Variants in TXNL1 observed in about 807,000 individuals in gnomAD.
The protein encoded by TXNL1 is thioredoxin-like protein 1.
In TXNL1, 14 loss-of-function variants were observed where a neutral mutation model predicts 35.5. The observed-to-expected ratio is 0.39, with a 90% CI of 0.26 to 0.62. The LOEUF (loss-of-function observed/expected upper bound fraction) is 0.62. Ranked by LOEUF, TXNL1 falls within the 20% of genes least tolerant of loss-of-function variation. TXNL1 has a pLI of 0.47. For synonymous variants in TXNL1, 110 were observed against 115.5 expected, an observed-to-expected ratio of 0.95 and a Z score of 0.31; for missense variants, 263 against 349.7, an observed-to-expected ratio of 0.75 and a Z score of 1.98.
chr18:56,604,887 T>C (rs922230175), intron 7 of TXNL1, among the ~76,000 whole-genome samples: 33 of 152,168 alleles, frequency 2.2e-4, no homozygotes, highest in Admixed American at 1.0e-3. Context: ...AAGAATTCTA[T>C]AGTTCCTAGG....
chr18:56,611,751 T>C (rs113874237), intron 6 of TXNL1, among the ~76,000 whole-genome samples: 3,838 of 151,332 alleles, frequency 0.025, 174 homozygotes, highest in African/African-American at 0.087. Flanking sequence ...TGGAGTGCAA[T>C]GGCACGATCT....
At chr18:56,634,817 A>G (rs1365294482) in intron 1 of TXNL1, among the ~76,000 whole-genome samples, 2 of 152,220 alleles carry the variant, frequency 1.3e-5, no homozygotes, top group African/African-American at 4.8e-5. Context: ...ATTGGACTTC[A>G]TCAAAATTTA....
chr18:56,625,849 C>A (rs1234026854), intron 2 of TXNL1, among the ~76,000 whole-genome samples: 2 of 152,052 alleles, frequency 1.3e-5, no homozygotes, highest in African/African-American at 4.8e-5. Flanking sequence ...TCTGCATATA[C>A]AAATACAGAA....
At chr18:56,630,032 C>G (rs775178478) in intron 1 of TXNL1, among the ~76,000 whole-genome samples, 1 of 152,008 alleles carries the variant, frequency 6.6e-6, no homozygotes, top group Admixed American at 6.6e-5. Context: ...AACCCCATCT[C>G]GACTAAAAGT....
At chr18:56,610,892 G>C in intron 7 of TXNL1, 101 bp downstream of exon 7, 1 of 746,512 alleles carries the variant, frequency 1.3e-6, no homozygotes, top group Non-Finnish European at 2.1e-6. Context: ...ATATAATTTT[G>C]AATTATTTTG....
At chr18:56,632,951 T>C (rs569761707) in intron 1 of TXNL1, among the ~76,000 whole-genome samples, 5 of 152,290 alleles carry the variant, frequency 3.3e-5, no homozygotes, top group African/African-American at 1.2e-4. Flanking sequence ...TATCAGTAAT[T>C]TTGCGGTATG....
At chr18:56,606,241 G>A (rs1342100636) in intron 7 of TXNL1, among the ~76,000 whole-genome samples, 1 of 152,166 alleles carries the variant, frequency 6.6e-6, no homozygotes, top group Non-Finnish European at 1.5e-5. Flanking sequence ...GCCAGGCGTA[G>A]CGGCGGGCAC....
rs769524156 is a variant in TXNL1 at position 56,602,995 on chromosome 18, T to C, written c.*32A>G. 2.0e-5 allele frequency: 33 copies of C among 1,612,420 alleles called. No individual in the cohort carries two copies. The highest frequency in any genetic ancestry group is 8.3e-5 in the Admixed American group (5 of 59,930). On this transcript the variant is annotated 3_prime_UTR_variant, in exon 8 of 8. Transcript: ENST00000217515. ...AATTATCCAGGAGCTGTAGATCTGA[T>C]TGCAATATGGTTGTCCAGTGTCTTT...
chr18:56,628,390 TTA>T, intron 1 of TXNL1, among the ~76,000 whole-genome samples: 1 of 152,312 alleles, frequency 6.6e-6, no homozygotes, highest in East Asian at 1.9e-4. Context: ...TGAAAAAGTA[TTA>T]TTAGTAATAG....
intron 3 of TXNL1, among the ~76,000 whole-genome samples, chr18:56,618,858 C>T (rs1204940528): frequency 6.6e-6 from 1 of 151,982 alleles, no homozygotes; most frequent in Non-Finnish European, 1.5e-5. Flanking sequence ...AAATATTTCA[C>T]ACTTGAATTG....
chr18:56,629,895 G>A (rs550996966), intron 1 of TXNL1, among the ~76,000 whole-genome samples: 1 of 152,090 alleles, frequency 6.6e-6, no homozygotes, highest in South Asian at 2.1e-4. Flanking sequence ...AACAAGATCA[G>A]TAAGAAAGAT....
Position 56,597,741 on chromosome 18 carries a change from G to A in TXNL1, c.*5286C>T, listed in dbSNP as rs1292245206. ...TCATCTAAACAACTCCTAGTTCCTT[G>A]CTTCTAGCTCTAAGCTCTAAAATCA... On this transcript the variant is annotated 3_prime_UTR_variant, in exon 8 of 8. Coordinates refer to ENST00000217515, the MANE Select transcript of TXNL1 (RefSeq NM_004786.3). 2.0e-5 allele frequency: 3 copies of A among 152,030 alleles called. No individual in the cohort carries two copies. Among genetic ancestry groups the A allele is most frequent in the African/African-American group, 7.2e-5 (3 of 41,382 alleles). The allele number at this position is 152,030 out of a possible 1,614,324, so 9.4% of individuals were successfully genotyped here.
Position 56,602,814 on chromosome 18 carries a change from G to C in TXNL1, c.*213C>G. The C allele has an allele frequency of 1.6e-6, 1 of 615,332 alleles. No homozygotes were observed. Among genetic ancestry groups the C allele is most frequent in the South Asian group, 2.1e-5 (1 of 48,498 alleles). 38.1% of individuals were successfully genotyped at this position (615,332 alleles called of 1,614,324 possible). A position where few individuals can be genotyped will look rare whatever the true frequency, so the allele number is the denominator to read the frequency against. Reference sequence around the variant, plus strand: ...GAAAGAGAAAATACTGATTTAGAAAGACAAAAATTAAGCTTGGCAAAAGTG... The same window carrying C: ...GAAAGAGAAAATACTGATTTAGAAACACAAAAATTAAGCTTGGCAAAAGTG... On this transcript the variant is annotated 3_prime_UTR_variant, in exon 8 of 8. Coordinates refer to ENST00000217515, the MANE Select transcript of TXNL1 (RefSeq NM_004786.3).
At chr18:56,616,171 T>TA in intron 5 of TXNL1, 74 bp downstream of exon 5, 1 of 1,307,236 alleles carries the variant, frequency 7.6e-7, no homozygotes, top group Non-Finnish European at 1.1e-6. Flanking sequence ...CTCTATTTAA[T>TA]AAAAAGTTTT....
intron 3 of TXNL1, among the ~76,000 whole-genome samples, chr18:56,623,446 T>C (rs564103873): frequency 6.7e-6 from 1 of 149,020 alleles, no homozygotes; most frequent in South Asian, 2.1e-4. Flanking sequence ...AAAAAAAAGA[T>C]ATTAACTTTA....
intron 1 of TXNL1, among the ~76,000 whole-genome samples, chr18:56,630,006 C>T (rs2024346065): frequency 6.6e-6 from 1 of 152,074 alleles, no homozygotes; most frequent in Non-Finnish European, 1.5e-5. Context: ...CAAGACCAGC[C>T]TGGCCAACAA....
chr18:56,624,221 C>A, intron 3 of TXNL1, 67 bp downstream of exon 3: 2 of 1,464,860 alleles, frequency 1.4e-6, no homozygotes, highest in Non-Finnish European at 1.8e-6. Flanking sequence ...AGTTATATTT[C>A]ATTTTAGCCC....
chr18:56,600,228 C>T lies in TXNL1; in HGVS notation c.*2799G>A, dbSNP rs988047858. The T allele has an allele frequency of 2.6e-5, 4 of 152,288 alleles. No homozygotes were observed. The highest frequency in any genetic ancestry group is 5.9e-5 in the Non-Finnish European group (4 of 68,082). 9.4% of individuals were successfully genotyped at this position (152,288 alleles called of 1,614,324 possible). ...ATTCCTATAATCGCTGCCAAAAACA[C>T]TGCATACATCCTCAAACATTGAGAC... On this transcript the variant is annotated 3_prime_UTR_variant, in exon 8 of 8. Transcript: ENST00000217515.
intron 1 of TXNL1, among the ~76,000 whole-genome samples, chr18:56,629,197 C>A (rs1385620927): frequency 6.6e-6 from 1 of 152,040 alleles, no homozygotes; most frequent in Non-Finnish European, 1.5e-5. Context: ...AGTTAGAAAA[C>A]AACTTAAATG....
Sources: allele counts gnomAD v4.1 joint callset (sites outside exome capture counted in the v4.1 genomes callset), GRCh38; gene constraint gnomAD v4.1.1; transcripts MANE v1.5; gene names NCBI Gene and HGNC (gene_info 2026-07-23, HGNC 2026-07-21).